Variants in KCNIP4 observed in about 807,000 individuals in gnomAD.
KCNIP4 encodes the protein potassium voltage-gated channel interacting protein 4.
A neutral mutation model predicts 34.0 loss-of-function variants in KCNIP4; 12 were observed. The observed-to-expected ratio is 0.35, with a 90% CI of 0.23 to 0.57. The LOEUF (loss-of-function observed/expected upper bound fraction) is 0.57, where lower values mean the gene tolerates loss of function less well. Ranked by LOEUF, KCNIP4 falls within the 20% of genes least tolerant of loss-of-function variation. The probability of loss-of-function intolerance (pLI) is 0.83; values close to 1 mark genes in which losing one functional copy is unlikely to be tolerated. For synonymous variants in KCNIP4, 124 were observed against 102.2 expected (o/e 1.21, Z -1.29); for missense variants, 238 against 311.7 (o/e 0.76, Z 1.78).
At position 21,552,705 on chromosome 4, in the gene KCNIP4, A is replaced by AT. The variant is rs1300999477; in HGVS notation, c.61+395865dup. Among the ~76,000 whole-genome samples the AT allele has an allele frequency of 2.0e-5, 3 of 152,140 alleles. No individual in the cohort carries two copies. The South Asian group carries it at 6.2e-4, about 32-fold the overall frequency. ...ATCTGTACTTGTCACAGCAAAGCAT[A>AT]TTTTTTTAATACTTAGTTTTTTAGG... On this transcript the variant is annotated intron_variant, in intron 1 of 8. Coordinates refer to ENST00000382152, the MANE Select transcript of KCNIP4 (RefSeq NM_025221.6).
chr4:21,694,133 A>G (rs1711993835), intron 1 of KCNIP4, among the ~76,000 whole-genome samples: 1 of 152,202 alleles, frequency 6.6e-6, no homozygotes, highest in Non-Finnish European at 1.5e-5. Context: ...CTGCAATAAC[A>G]TTCATCCTTC....
intron 1 of KCNIP4, among the ~76,000 whole-genome samples, chr4:21,868,088 A>T (rs935449260): frequency 2.6e-5 from 4 of 152,204 alleles, no homozygotes; most frequent in African/African-American, 9.6e-5. Flanking sequence ...CCAGAGGGCA[A>T]GGGATAATTA....
intron 1 of KCNIP4, among the ~76,000 whole-genome samples, chr4:20,998,806 A>G (rs1737800313): frequency 6.6e-6 from 1 of 152,240 alleles, no homozygotes; most frequent in African/African-American, 2.4e-5. Flanking sequence ...GACACCAGTG[A>G]GAATAAATTG....
rs530539608 is a variant in KCNIP4, at chr4:20,805,292, T to C, written c.288+45251A>G. ...GTAAAGAGATCTTCCCACCTGGGAT[T>C]CCCAAAGTGCTAGTATTACAGGAAT... On this transcript the variant is annotated intron_variant, in intron 3 of 8. Transcript: ENST00000382152. Among the ~76,000 whole-genome samples, 196 of 145,814 alleles carry C rather than the reference T, an allele frequency of 1.3e-3. 1 individual carries two copies. The highest frequency in any genetic ancestry group is 2.4e-3 in the Non-Finnish European group (158 of 66,986).
chr4:21,938,697 CATT>C (rs1730028377), intron 1 of KCNIP4, among the ~76,000 whole-genome samples: 1 of 152,122 alleles, frequency 6.6e-6, no homozygotes, highest in South Asian at 2.1e-4. Context: ...TGATATCCTT[CATT>C]AAGAACATAC....
chr4:21,737,940 A>C (rs918236968), intron 1 of KCNIP4, among the ~76,000 whole-genome samples: 3 of 151,596 alleles, frequency 2.0e-5, no homozygotes, highest in East Asian at 2.0e-4. Context: ...CACACACAAA[A>C]AAAATTAGTG....
intron 1 of KCNIP4, among the ~76,000 whole-genome samples, chr4:21,229,197 C>T (rs1012791298): frequency 7.2e-5 from 11 of 152,180 alleles, no homozygotes; most frequent in Non-Finnish European, 1.6e-4. Context: ...CCCCACTCAT[C>T]CGTCTTCACA....
At chr4:21,238,044 C>A (rs564000002) in intron 1 of KCNIP4, among the ~76,000 whole-genome samples, 1 of 152,266 alleles carries the variant, frequency 6.6e-6, no homozygotes, top group South Asian at 2.1e-4. Flanking sequence ...ATCAAGTGGG[C>A]TTCATCCCTG....
At chr4:21,696,046 A>G (rs1712275624) in intron 1 of KCNIP4, among the ~76,000 whole-genome samples, 1 of 152,110 alleles carries the variant, frequency 6.6e-6, no homozygotes, top group Non-Finnish European at 1.5e-5. Flanking sequence ...ACTCTCAATG[A>G]TTATTCCTTA....
intron 1 of KCNIP4, among the ~76,000 whole-genome samples, chr4:21,338,127 C>T (rs1001503894): frequency 6.6e-6 from 1 of 151,942 alleles, no homozygotes; most frequent in African/African-American, 2.4e-5. Flanking sequence ...ACCAAAATCC[C>T]TCCCTTTGTA....
At chr4:20,991,430 G>A (rs754942986) in intron 1 of KCNIP4, among the ~76,000 whole-genome samples, 1 of 152,086 alleles carries the variant, frequency 6.6e-6, no homozygotes. Flanking sequence ...GGAGAAGAGA[G>A]GAAGAAAAGG....
chr4:21,718,045 A>G (rs1379807406), intron 1 of KCNIP4, among the ~76,000 whole-genome samples: 3 of 152,224 alleles, frequency 2.0e-5, no homozygotes, highest in Admixed American at 1.3e-4. Flanking sequence ...GGCAAAAATA[A>G]AAAACCATAC....
At chr4:21,589,033 T>C (rs544489761) in intron 1 of KCNIP4, among the ~76,000 whole-genome samples, 4 of 149,884 alleles carry the variant, frequency 2.7e-5, no homozygotes, top group East Asian at 2.0e-4. Context: ...TCAAATCATA[T>C]GGAAATGGAA....
chr4:21,085,455 C>T (rs1746337562), intron 1 of KCNIP4, among the ~76,000 whole-genome samples: 1 of 152,194 alleles, frequency 6.6e-6, no homozygotes, highest in South Asian at 2.1e-4. Flanking sequence ...CTGTTCCTCT[C>T]TCTATACTGA....
intron 1 of KCNIP4, among the ~76,000 whole-genome samples, chr4:21,175,979 C>T: frequency 6.6e-6 from 1 of 152,046 alleles, no homozygotes. Context: ...GTTGTGTTCA[C>T]CCTTTCTCTT....
chr4:21,891,534 CAG>C (rs539155760), intron 1 of KCNIP4, among the ~76,000 whole-genome samples: 72 of 152,152 alleles, frequency 4.7e-4, no homozygotes, highest in Non-Finnish European at 8.4e-4. Context: ...AGCAGGGTGA[CAG>C]ATTTTTACCA....
At chr4:20,801,786 A>C (rs548583448) in intron 3 of KCNIP4, among the ~76,000 whole-genome samples, 1 of 152,244 alleles carries the variant, frequency 6.6e-6, no homozygotes, top group Non-Finnish European at 1.5e-5. Context: ...ACAGAGCTAC[A>C]AAACAACTGG....
chr4:21,479,784 T>G (rs1731275934), intron 1 of KCNIP4, among the ~76,000 whole-genome samples: 1 of 151,922 alleles, frequency 6.6e-6, no homozygotes, highest in Admixed American at 6.6e-5. Flanking sequence ...TAAATAAAAT[T>G]TTTAAGGATA....
chr4:21,364,143 G>T (rs531066626), intron 1 of KCNIP4, among the ~76,000 whole-genome samples: 28 of 152,190 alleles, frequency 1.8e-4, no homozygotes, highest in Non-Finnish European at 3.5e-4. Flanking sequence ...AGCTTACAAG[G>T]ATTGTTTCTC....
Sources: allele counts gnomAD v4.1 joint callset (sites outside exome capture counted in the v4.1 genomes callset), GRCh38; gene constraint gnomAD v4.1.1; transcripts MANE v1.5; gene names NCBI Gene and HGNC (gene_info 2026-07-23, HGNC 2026-07-21).